ME1: variants seen among roughly 807,000 people sequenced by gnomAD.
The protein encoded by ME1 is malic enzyme 1.
ME1 carries 74 observed loss-of-function variants against 66.4 expected under a neutral mutation model. That is an observed-to-expected ratio of 1.11 (90% CI 0.92 to 1.35). ME1 has a LOEUF of 1.35. ME1 is among the 40% of genes most tolerant of loss of function. The probability of loss-of-function intolerance (pLI) is 0.00; values close to 1 mark genes in which losing one functional copy is unlikely to be tolerated. For missense variants in ME1, 750 were observed against 694.1 expected (o/e 1.08, Z -0.90); for synonymous variants, 251 against 235.6 (o/e 1.07, Z -0.60).
chr6:83,385,087 A>G (rs1353679808), intron 3 of ME1, among the ~76,000 whole-genome samples: 1 of 151,822 alleles, frequency 6.6e-6, no homozygotes, highest in African/African-American at 2.4e-5. Context: ...TCCTATTTCC[A>G]CCAACTGTTT....
intron 1 of ME1, among the ~76,000 whole-genome samples, chr6:83,420,330 A>C (rs1253111994): frequency 6.6e-6 from 1 of 152,102 alleles, no homozygotes; most frequent in Admixed American, 6.5e-5. Context: ...AGCCTCCCAA[A>C]GTGCTTGGAT....
chr6:83,320,521 C>T (rs567910208), intron 5 of ME1, among the ~76,000 whole-genome samples: 66 of 152,194 alleles, frequency 4.3e-4, no homozygotes, highest in Non-Finnish European at 8.5e-4. Flanking sequence ...CCGCTGTAAA[C>T]TGCAGCTGTT....
Position 83,210,848 on chromosome 6 carries a change from T to C in ME1, c.*1076A>G, listed in dbSNP as rs1318932102. ...CTGGGCATATAACTACTCTTTCTCA[T>C]AGAATGGTATTAGTCATCAAGATAT... is the stretch of plus-strand genomic sequence containing the variant. On this transcript the variant is annotated 3_prime_UTR_variant, in exon 14 of 14. Coordinates refer to ENST00000369705, the MANE Select transcript of ME1 (RefSeq NM_002395.6). The C allele has an allele frequency of 2.6e-5, 4 of 152,236 alleles. No homozygotes were observed. The highest frequency in any genetic ancestry group is 4.8e-5 in the African/African-American group (2 of 41,468). 9.4% of individuals were successfully genotyped at this position (152,236 alleles called of 1,614,324 possible).
At chr6:83,345,785 T>C (rs1242700487) in intron 5 of ME1, among the ~76,000 whole-genome samples, 1 of 152,200 alleles carries the variant, frequency 6.6e-6, no homozygotes, top group Admixed American at 6.5e-5. Context: ...TGATCTATTT[T>C]AGGTTCAATA....
At chr6:83,427,801 T>C in intron 1 of ME1, among the ~76,000 whole-genome samples, 1 of 151,944 alleles carries the variant, frequency 6.6e-6, no homozygotes, top group East Asian at 1.9e-4. Context: ...TCACTTAAGG[T>C]CAGGAGTTTG....
intron 5 of ME1, among the ~76,000 whole-genome samples, chr6:83,333,847 G>GA (rs942381585): frequency 1.3e-5 from 2 of 151,664 alleles, no homozygotes; most frequent in African/African-American, 4.8e-5. Context: ...TCAGTTTTTA[G>GA]AAAAAAAATA....
rs539408148 is a variant in ME1 at position 83,321,996 on chromosome 6, A to G, written c.601-6583T>C. On this transcript the variant is annotated intron_variant, in intron 5 of 13. Transcript: ENST00000369705. ...TGCTGTTCTGCAGCCTCCGCTGGTGACACTAAGGTAAACAGGGACTGGAGT... is the reference window on the plus strand; with the variant it reads ...TGCTGTTCTGCAGCCTCCGCTGGTGGCACTAAGGTAAACAGGGACTGGAGT... Among the ~76,000 whole-genome samples the G allele has an allele frequency of 3.9e-5, 6 of 152,338 alleles. No homozygotes were observed. In the South Asian group the frequency reaches 1.2e-3, roughly 32 times the overall value.
intron 9 of ME1, 39 bp downstream of exon 9, chr6:83,237,678 T>C (rs768523801): frequency 6.7e-6 from 8 of 1,187,988 alleles, no homozygotes; most frequent in Non-Finnish European, 3.6e-6. Context: ...CAGAATGGCA[T>C]AGTTATCTTT....
intron 6 of ME1, among the ~76,000 whole-genome samples, chr6:83,285,403 A>C (rs1767377574): frequency 6.6e-6 from 1 of 152,218 alleles, no homozygotes; most frequent in African/African-American, 2.4e-5. Context: ...TATTGCAGGA[A>C]ACAAAATAGA....
intron 4 of ME1, among the ~76,000 whole-genome samples, chr6:83,346,649 T>G (rs1209162716): frequency 6.6e-6 from 1 of 152,170 alleles, no homozygotes; most frequent in African/African-American, 2.4e-5. Flanking sequence ...GAGCTCAGAC[T>G]GGGAACCAAA....
chr6:83,327,530 C>T (rs1005273821), intron 5 of ME1, among the ~76,000 whole-genome samples: 1 of 152,128 alleles, frequency 6.6e-6, no homozygotes, highest in Admixed American at 6.6e-5. Context: ...TCCCATAGCG[C>T]TCTCAGGCTT....
chr6:83,241,356 T>C (rs569797078), intron 7 of ME1, among the ~76,000 whole-genome samples: 2 of 152,294 alleles, frequency 1.3e-5, no homozygotes, highest in South Asian at 4.1e-4. Flanking sequence ...AGCATCAAAG[T>C]TGAAGTATCA....
At chr6:83,287,036 A>G (rs969591399) in intron 6 of ME1, among the ~76,000 whole-genome samples, 1 of 152,252 alleles carries the variant, frequency 6.6e-6, no homozygotes, top group Admixed American at 6.5e-5. Flanking sequence ...ACAGGTTAGT[A>G]TATAACACTA....
At chr6:83,385,197 T>C (rs1439004254) in intron 3 of ME1, among the ~76,000 whole-genome samples, 1 of 151,934 alleles carries the variant, frequency 6.6e-6, no homozygotes, top group East Asian at 1.9e-4. Context: ...AATACAATAT[T>C]CGAGATGTGA....
At position 83,223,840 on chromosome 6, in the gene ME1, CAT is replaced by C; in HGVS notation, c.1367_1368del (p.Tyr456CysfsTer20). The C allele has an allele frequency of 6.2e-7, 1 of 1,614,002 alleles. No homozygotes were observed. On this transcript the variant is annotated frameshift_variant, in exon 12 of 14. Coordinates refer to ENST00000369705, the MANE Select transcript of ME1 (RefSeq NM_002395.6). LOFTEE classifies it high-confidence loss of function. ...ACACCAAGAGCAACTCCAGGGAACA[CAT>C]AGGAATTGTTGCCTTGGCCAGGATA... is the stretch of plus-strand genomic sequence containing the variant. The part of the protein sequence containing the change: ...TLYPGQGNNS[Y>X]VFPGVALGVV...
intron 6 of ME1, among the ~76,000 whole-genome samples, chr6:83,275,678 G>T (rs1472894096): frequency 2.0e-5 from 3 of 148,750 alleles, no homozygotes; most frequent in Non-Finnish European, 4.4e-5. Context: ...TGTTAGCCAG[G>T]ATGGTCTCGA....
In ME1 at chr6:83,384,927, C is replaced by A. The variant is rs563689765; in HGVS notation, c.362+13440G>T. The stretch of plus-strand genomic sequence containing the variant: ...TATTGTTGACTTTGTCAAAGATGAC[C>A]TGGTTGTGGGTATGTGGCTTTACAC... On this transcript the variant is annotated intron_variant, in intron 3 of 13. Coordinates refer to ENST00000369705, the MANE Select transcript of ME1 (RefSeq NM_002395.6). Among the ~76,000 whole-genome samples the A allele has an allele frequency of 8.8e-4, 133 of 151,826 alleles. 1 individual carries two copies. Among genetic ancestry groups the A allele is most frequent in the African/African-American group, 3.1e-3 (129 of 41,350 alleles).
At chr6:83,293,693 C>T (rs894542876) in intron 6 of ME1, among the ~76,000 whole-genome samples, 1 of 152,048 alleles carries the variant, frequency 6.6e-6, no homozygotes, top group African/African-American at 2.4e-5. Flanking sequence ...ATGAAGTAAG[C>T]GAAAGGAGCT....
At chr6:83,230,014 G>A (rs1790269907) in intron 9 of ME1, among the ~76,000 whole-genome samples, 1 of 151,864 alleles carries the variant, frequency 6.6e-6, no homozygotes, top group Admixed American at 6.6e-5. Context: ...TTAGAGATGG[G>A]GGTCTCGCTA....
Sources: gnomAD v4.1 joint callset for allele counts (sites outside exome capture counted in the v4.1 genomes callset) on GRCh38, gnomAD v4.1.1 for gene constraint, MANE v1.5 for transcripts, NCBI Gene and HGNC (gene_info 2026-07-23, HGNC 2026-07-21) for gene names.